The following PDE8B variants were observed in gnomAD, a reference collection of about 807,000 sequenced individuals.
PDE8B encodes the protein phosphodiesterase 8B, also known as high affinity cAMP-specific and IBMX-insensitive 3',5'-cyclic phosphodiesterase 8B.
A neutral mutation model predicts 101.3 loss-of-function variants in PDE8B; 26 were observed. That is an observed-to-expected ratio of 0.26 (90% CI 0.19 to 0.36). The LOEUF (loss-of-function observed/expected upper bound fraction) is 0.36. Ranked by LOEUF, PDE8B falls within the 10% of genes least tolerant of loss-of-function variation. PDE8B has a pLI of 1.00. For synonymous variants in PDE8B, 424 were observed against 429.3 expected (o/e 0.99, Z 0.15); for missense variants, 810 against 1,163.1 (o/e 0.70, Z 4.42).
At chr5:77,419,642 A>T in intron 18 of PDE8B, 125 bp from the exon 19 acceptor site, 1 of 1,107,440 alleles carries the variant, frequency 9.0e-7, no homozygotes, top group Non-Finnish European at 1.4e-6. Context: ...TGTGATCTGC[A>T]CACATTTCTT....
intron 1 of PDE8B, among the ~76,000 whole-genome samples, chr5:77,306,724 C>G (rs1771300773): frequency 6.6e-6 from 1 of 152,226 alleles, no homozygotes; most frequent in Admixed American, 6.5e-5. Flanking sequence ...GCAATCACCT[C>G]TAGAGAATGT....
chr5:77,423,553 C>T (rs1258687653), intron 20 of PDE8B, among the ~76,000 whole-genome samples: 1 of 149,096 alleles, frequency 6.7e-6, no homozygotes, highest in Non-Finnish European at 1.5e-5. Context: ...AATAGCCATT[C>T]TGACTAGTTT....
chr5:77,148,349 A>G, the PDE8B span: 172 of 152,330 alleles, frequency 1.1e-3, no homozygotes, highest in African/African-American at 4.0e-3. Context: ...ACATTCATGT[A>G]CAGTTTTGTG....
the PDE8B span, chr5:77,148,339 A>G: frequency 6.6e-6 from 1 of 152,330 alleles, no homozygotes; most frequent in East Asian, 1.9e-4. Context: ...GTTGCTGTAA[A>G]CATTCATGTA....
chr5:77,235,238 A>T (rs1342502690), intron 1 of PDE8B, among the ~76,000 whole-genome samples: 1 of 151,816 alleles, frequency 6.6e-6, no homozygotes, highest in Non-Finnish European at 1.5e-5. Context: ...GCTTGAGGAA[A>T]CCCCAAGTTG....
the PDE8B span, among the ~76,000 whole-genome samples, chr5:77,188,541 C>T: frequency 6.6e-6 from 1 of 152,180 alleles, no homozygotes; most frequent in African/African-American, 2.4e-5. Context: ...AATGTGCTGT[C>T]ACTCATATCA....
chr5:77,123,823 T>G, the PDE8B span, among the ~76,000 whole-genome samples: 2 of 152,128 alleles, frequency 1.3e-5, no homozygotes, highest in Non-Finnish European at 2.9e-5. Flanking sequence ...AGAACAACTT[T>G]CAAGGAAAGA....
chr5:77,425,968 G>A (rs1798015581), intron 21 of PDE8B, 72 bp downstream of exon 21: 5 of 1,454,594 alleles, frequency 3.4e-6, no homozygotes, highest in African/African-American at 1.4e-5. Context: ...AGTGACACAG[G>A]GTGAGCCTAA....
At chr5:77,295,250 C>G (rs1437220028) in intron 1 of PDE8B, among the ~76,000 whole-genome samples, 1 of 152,142 alleles carries the variant, frequency 6.6e-6, no homozygotes, top group Non-Finnish European at 1.5e-5. Flanking sequence ...GAACCACAGA[C>G]AAAACTGTGC....
At chr5:77,389,388 C>T (rs767945772) in intron 10 of PDE8B, among the ~76,000 whole-genome samples, 175 of 152,152 alleles carry the variant, frequency 1.2e-3, no homozygotes, top group Non-Finnish European at 1.3e-3. Context: ...GCTCACCCTC[C>T]GTGGGCTGCA....
intron 10 of PDE8B, 143 bp downstream of exon 10, chr5:77,353,549 G>A: frequency 2.9e-6 from 2 of 692,964 alleles, no homozygotes; most frequent in Non-Finnish European, 5.3e-6. Context: ...GGGAAAATTT[G>A]GTTCCTCTGA....
the PDE8B span, among the ~76,000 whole-genome samples, chr5:77,185,807 A>G: frequency 6.6e-6 from 1 of 152,094 alleles, no homozygotes; most frequent in Non-Finnish European, 1.5e-5. Context: ...CAATGTTACT[A>G]CTTACATCAA....
the PDE8B span, among the ~76,000 whole-genome samples, chr5:77,170,946 A>C: frequency 6.6e-6 from 1 of 152,248 alleles, no homozygotes; most frequent in African/African-American, 2.4e-5. Flanking sequence ...GTAAACAAAA[A>C]GATGTAAGAC....
At chr5:77,184,414 C>G in the PDE8B span, among the ~76,000 whole-genome samples, 1 of 152,144 alleles carries the variant, frequency 6.6e-6, no homozygotes, top group South Asian at 2.1e-4. Flanking sequence ...TGTCTATAAA[C>G]TATGGATGGT....
chr5:77,097,732 T>TATATATATATATATACAC, the PDE8B span, among the ~76,000 whole-genome samples: 1 of 65,228 alleles, frequency 1.5e-5, no homozygotes, highest in African/African-American at 3.9e-5. Context: ...TATATATATA[T>TATATATATATATATACAC]ACATACATAT....
intron 10 of PDE8B, among the ~76,000 whole-genome samples, chr5:77,375,891 T>TTTC (rs1248598945): frequency 7.2e-6 from 1 of 138,684 alleles, no homozygotes; most frequent in Non-Finnish European, 1.6e-5. Context: ...CTTGATTTCT[T>TTTC]TTTTTTTTTT....
At chr5:77,240,249 G>A (rs945996643) in intron 1 of PDE8B, among the ~76,000 whole-genome samples, 2 of 152,166 alleles carry the variant, frequency 1.3e-5, no homozygotes, top group African/African-American at 4.8e-5. Flanking sequence ...CGCCTCCCGG[G>A]TTCACGCCAT....
At chr5:77,285,836 A>G (rs1410431583) in intron 1 of PDE8B, among the ~76,000 whole-genome samples, 2 of 152,050 alleles carry the variant, frequency 1.3e-5, no homozygotes, top group Non-Finnish European at 2.9e-5. Flanking sequence ...ATTCATGTTC[A>G]GAGACTTTTT....
chr5:77,179,447 A>G, the PDE8B span, among the ~76,000 whole-genome samples: 1 of 152,298 alleles, frequency 6.6e-6, no homozygotes, highest in South Asian at 2.1e-4. Context: ...TCCACCCCAG[A>G]GGAGCCAGGT....
Sources: allele counts gnomAD v4.1 joint callset (sites outside exome capture counted in the v4.1 genomes callset), GRCh38; gene constraint gnomAD v4.1.1; transcripts MANE v1.5; gene names NCBI Gene and HGNC (gene_info 2026-07-23, HGNC 2026-07-21).